CABLES1: variants seen among roughly 807,000 people sequenced by gnomAD.
CABLES1 encodes CDK5 and ABL1 enzyme substrate 1.
CABLES1 carries 36 observed loss-of-function variants against 57.8 expected under a neutral mutation model. That is an observed-to-expected ratio of 0.62 (90% CI 0.48 to 0.82). The LOEUF (loss-of-function observed/expected upper bound fraction) is 0.82, where lower values mean the gene tolerates loss of function less well. Among genes scored for constraint, CABLES1 ranks in the 40% least tolerant of loss-of-function variants. The pLI is 0.00. For missense variants in CABLES1, 767 were observed against 836.6 expected, an observed-to-expected ratio of 0.92 and a Z score of 1.03; for synonymous variants, 374 against 363.0, an observed-to-expected ratio of 1.03 and a Z score of -0.35.
At chr18:23,183,455 A>G (rs993041360) in intron 1 of CABLES1, among the ~76,000 whole-genome samples, 35 of 152,224 alleles carry the variant, frequency 2.3e-4, no homozygotes, top group African/African-American at 8.0e-4. Flanking sequence ...GTCATGGATT[A>G]TGACTTCCTT....
Position 23,253,923 on chromosome 18 carries a change from A to G in CABLES1, c.1748A>G (p.Lys583Arg). 9 of 1,614,122 alleles carry G rather than the reference A, an allele frequency of 5.6e-6. No individual in the cohort carries two copies. Among genetic ancestry groups the G allele is most frequent in the Non-Finnish European group, 6.8e-6 (8 of 1,180,032 alleles). Residue 583 changes from lysine (K) to arginine (R), a missense_variant, in exon 9 of 10, where the codon AAG (lysine) becomes AGG (arginine). Lys to Arg is a conservative substitution (Grantham distance 26, BLOSUM62 2). This residue lies in a region of CABLES1 where 529 missense variants were observed against 622.8 expected (regional missense o/e 0.85). Transcript: ENST00000256925. ...AGTGACCTCAAAAAACACGAAGTCA[A>G]GCATTTAATTGACGTAAGTAGCCTT... ...IGSDLKKHEV[K>R]HLIDKLEEKF...
intron 2 of CABLES1, among the ~76,000 whole-genome samples, chr18:23,190,790 T>G (rs935124081): frequency 2.0e-5 from 3 of 152,122 alleles, no homozygotes; most frequent in African/African-American, 7.2e-5. Flanking sequence ...TTAAAAAAGT[T>G]CTCAGCCGGG....
upstream of CABLES1, chr18:23,135,329 CCTCCCGCCGTCTGCCTCTG>C: frequency 6.6e-6 from 1 of 152,576 alleles, no homozygotes; most frequent in South Asian, 2.1e-4. Context: ...TGGCCCCTTG[CCTCCCGCCGTCTGCCTCTG>C]CGGCCGCCGC....
intron 1 of CABLES1, among the ~76,000 whole-genome samples, chr18:23,179,699 G>A (rs1424768006): frequency 6.6e-6 from 1 of 152,252 alleles, no homozygotes; most frequent in Non-Finnish European, 1.5e-5. Flanking sequence ...TAAGGGCCAT[G>A]CTTACTTTCA....
chr18:23,144,335 A>T (rs1035747203), intron 1 of CABLES1, among the ~76,000 whole-genome samples: 8 of 152,160 alleles, frequency 5.3e-5, no homozygotes, highest in Admixed American at 6.5e-5. Flanking sequence ...AGAGGAGGAA[A>T]ATTTGATTCT....
At chr18:23,203,883 T>G (rs982794052) in intron 3 of CABLES1, among the ~76,000 whole-genome samples, 2 of 152,176 alleles carry the variant, frequency 1.3e-5, no homozygotes, top group Non-Finnish European at 2.9e-5. Flanking sequence ...GGAGATTTTG[T>G]TTTTGTGAAA....
At position 23,259,554 on chromosome 18, in the gene CABLES1, G is replaced by A. The variant is rs1389110157; in HGVS notation, c.*2187G>A. On this transcript the variant is annotated 3_prime_UTR_variant, in exon 10 of 10. Transcript: ENST00000256925. ...CTCCTGGCCTGTGGATTTGTGGAAT[G>A]GACAGTTTTGTGGGTTTTAATTTAT... 6.6e-6 allele frequency: 1 copy of A among 152,198 alleles called. No individual in the cohort carries two copies. The highest frequency in any genetic ancestry group is 1.5e-5 in the Non-Finnish European group (1 of 68,044). The allele number at this position is 152,198 out of a possible 1,614,324, so 9.4% of individuals were successfully genotyped here.
At chr18:23,188,428 C>T (rs1176161835) in intron 1 of CABLES1, among the ~76,000 whole-genome samples, 1 of 152,106 alleles carries the variant, frequency 6.6e-6, no homozygotes, top group South Asian at 2.1e-4. Flanking sequence ...TAATATTTAT[C>T]AGTTACCGGG....
Position 23,247,226 on chromosome 18 carries a change from C to T in CABLES1, c.1447-5734C>T, listed in dbSNP as rs556667006. On this transcript the variant is annotated intron_variant, in intron 7 of 9. Coordinates refer to ENST00000256925, the MANE Select transcript of CABLES1 (RefSeq NM_001100619.3). ...TCTAAGGGCCACCATCAGGCTCCCT[C>T]AAGACAGGATGTGCCGGAGAATCAT... 2.0e-5 allele frequency among the ~76,000 whole-genome samples: 3 copies of T among 152,358 alleles called. No individual in the cohort carries two copies. In the East Asian group the frequency reaches 5.8e-4, roughly 29 times the overall value.
chr18:23,242,139 G>T (rs2047751041), intron 7 of CABLES1, among the ~76,000 whole-genome samples: 1 of 152,172 alleles, frequency 6.6e-6, no homozygotes, highest in East Asian at 1.9e-4. Context: ...TGAGCCAGGT[G>T]TAGTGGCAGG....
intron 7 of CABLES1, among the ~76,000 whole-genome samples, chr18:23,246,984 T>C (rs1457405742): frequency 6.6e-6 from 1 of 152,242 alleles, no homozygotes; most frequent in Non-Finnish European, 1.5e-5. Flanking sequence ...AGAGCCACCA[T>C]GCCCAGCTTG....
chr18:23,244,459 G>C (rs554853267), intron 7 of CABLES1, among the ~76,000 whole-genome samples: 1 of 152,206 alleles, frequency 6.6e-6, no homozygotes, highest in Non-Finnish European at 1.5e-5. Flanking sequence ...TAGGCTACCC[G>C]TTTATTTCCA....
chr18:23,168,024 G>A lies in CABLES1; in HGVS notation c.846-20814G>A, dbSNP rs576823499. ...GTGGGCAGGACTGGTGGGAACTCCC[G>A]GGACTGACCCTACTCCTTTCATGCT... On this transcript the variant is annotated intron_variant, in intron 1 of 9. Transcript: ENST00000256925. 4.6e-5 allele frequency among the ~76,000 whole-genome samples: 7 copies of A among 152,332 alleles called. No individual in the cohort carries two copies. The South Asian group carries it at 6.2e-4, about 14-fold the overall frequency.
intron 1 of CABLES1, among the ~76,000 whole-genome samples, chr18:23,139,403 CAAAAAAA>C (rs61297552): frequency 1.8e-5 from 2 of 111,176 alleles, no homozygotes; most frequent in African/African-American, 7.3e-5. Context: ...AACTCCATCT[CAAAAAAA>C]AAAAAAAAAA....
rs1199555394 is a variant in CABLES1 at position 23,257,642 on chromosome 18, C to T, written c.*275C>T. 1 of 328,272 alleles carries T rather than the reference C, an allele frequency of 3.0e-6. No individual in the cohort carries two copies. Among genetic ancestry groups the T allele is most frequent in the Non-Finnish European group, 5.4e-6 (1 of 184,282 alleles). The allele number at this position is 328,272 out of a possible 1,614,324, so 20.3% of individuals were successfully genotyped here. On this transcript the variant is annotated 3_prime_UTR_variant, in exon 10 of 10. Coordinates refer to ENST00000256925, the MANE Select transcript of CABLES1 (RefSeq NM_001100619.3). The stretch of plus-strand genomic sequence containing the variant: ...TCTGTCCACTAGCGAGAATCCCTAG[C>T]TGCCCCAGCCCAGTCTTTCTCCCCG...
chr18:23,210,853 G>T (rs1242885062), intron 3 of CABLES1, among the ~76,000 whole-genome samples: 3 of 152,054 alleles, frequency 2.0e-5, no homozygotes, highest in Admixed American at 6.5e-5. Context: ...AGAAACTGAG[G>T]GTCTATGAAA....
At chr18:23,158,846 T>C (rs1203646549) in intron 1 of CABLES1, among the ~76,000 whole-genome samples, 1 of 152,178 alleles carries the variant, frequency 6.6e-6, no homozygotes, top group African/African-American at 2.4e-5. Flanking sequence ...ATGCCACCCC[T>C]GTAGCACTAT....
chr18:23,249,936 C>T (rs1015016461), intron 7 of CABLES1, among the ~76,000 whole-genome samples: 1 of 152,198 alleles, frequency 6.6e-6, no homozygotes, highest in African/African-American at 2.4e-5. Context: ...AGCGCTGGCC[C>T]CTGCCTGCGG....
intron 1 of CABLES1, among the ~76,000 whole-genome samples, chr18:23,141,320 A>T (rs77316528): frequency 6.6e-6 from 1 of 152,176 alleles, no homozygotes; most frequent in African/African-American, 2.4e-5. Flanking sequence ...CTTGTGCTGT[A>T]ATTGTAATCT....
Sources: allele counts gnomAD v4.1 joint callset (sites outside exome capture counted in the v4.1 genomes callset), GRCh38; gene constraint gnomAD v4.1.1; regional missense constraint gnomAD v4.1.1; transcripts MANE v1.5; gene names NCBI Gene and HGNC (gene_info 2026-07-23, HGNC 2026-07-21).